The following SLC22A23 variants were observed in gnomAD, a reference collection of about 807,000 sequenced individuals.
The protein encoded by SLC22A23 is ion transporter protein.
A neutral mutation model predicts 61.0 loss-of-function variants in SLC22A23; 26 were observed. The observed-to-expected ratio is 0.43, with a 90% CI of 0.31 to 0.59. SLC22A23 has a LOEUF of 0.59. Ranked by LOEUF, SLC22A23 falls within the 20% of genes least tolerant of loss-of-function variation. The pLI is 0.11. For missense variants in SLC22A23, 796 were observed against 934.7 expected (o/e 0.85, Z 1.94); for synonymous variants, 430 against 413.9 (o/e 1.04, Z -0.47).
intron 4 of SLC22A23, among the ~76,000 whole-genome samples, chr6:3,300,696 T>C (rs1761536986): frequency 6.6e-6 from 1 of 152,234 alleles, no homozygotes; most frequent in South Asian, 2.1e-4. Flanking sequence ...CAAAGTCACA[T>C]CACTATCGAT....
intron 3 of SLC22A23, among the ~76,000 whole-genome samples, chr6:3,408,609 C>T (rs1242227868): frequency 1.3e-5 from 2 of 152,228 alleles, no homozygotes; most frequent in Admixed American, 6.5e-5. Flanking sequence ...GAAGTCTTCT[C>T]CCCATTCTCT....
At chr6:3,415,730 C>T (rs1484788857) in intron 2 of SLC22A23, 22 bp downstream of exon 2, 21 of 1,502,992 alleles carry the variant, frequency 1.4e-5, no homozygotes, top group Admixed American at 2.0e-5. Flanking sequence ...AAGGTTCGTG[C>T]GGCGGGCATG....
chr6:3,385,899 T>A (rs1171823596), intron 3 of SLC22A23, among the ~76,000 whole-genome samples: 2 of 152,202 alleles, frequency 1.3e-5, no homozygotes, highest in Middle Eastern at 3.2e-3. Flanking sequence ...CAAAGGGAAA[T>A]GTGGTCATCT....
rs1254981101 is a variant in SLC22A23, at chr6:3,283,843, A to G, written c.1703+9T>C. On this transcript the variant is annotated intron_variant, in intron 9 of 9. Transcript: ENST00000406686. The stretch of plus-strand genomic sequence containing the variant: ...GCCGGCGTCCCCTGGGGTGTCTCCC[A>G]TGACGCACCTTATCACCGTCGGGGT... 1.2e-6 allele frequency: 2 copies of G among 1,613,550 alleles called. No homozygotes were observed. Among genetic ancestry groups the G allele is most frequent in the East Asian group, 2.2e-5 (1 of 44,836 alleles).
At position 3,273,343 on chromosome 6, in the gene SLC22A23, C is replaced by T. The variant is rs201208559; in HGVS notation, c.1773G>A (p.Leu591=). 62 of 1,613,970 alleles carry T rather than the reference C, an allele frequency of 3.8e-5. No homozygotes were observed. Among genetic ancestry groups the T allele is most frequent in the Admixed American group, 1.2e-4 (7 of 60,036 alleles). Residue 591 remains leucine, a synonymous_variant, in exon 10 of 10, where the codon CTG becomes CTA. Coordinates refer to ENST00000406686, the MANE Select transcript of SLC22A23 (RefSeq NM_015482.2). ...GCAGGAAGTAGCCTTTCTGGTTGTG[C>T]AGCTCGATGATGGGTGCCGTCAGCA... ...FGMLTAPIIE[L]HNQKGYFLHH...
rs1386295817 is a variant in SLC22A23 at position 3,379,849 on chromosome 6, C to T, written c.913+30339G>A. ...TCCCAGCAGGGGCTTCAAAGGGTTC[C>T]TGTGGTTTCATTTATTAGGGATGAT... On this transcript the variant is annotated intron_variant, in intron 3 of 9. Transcript: ENST00000406686. Among the ~76,000 whole-genome samples the T allele has an allele frequency of 5.9e-5, 9 of 152,194 alleles. 1 individual carries two copies.
chr6:3,353,947 T>C (rs1764922715), intron 3 of SLC22A23, among the ~76,000 whole-genome samples: 1 of 152,224 alleles, frequency 6.6e-6, no homozygotes. Context: ...AGGTCTCCTA[T>C]GCGTGGGCTG....
chr6:3,363,547 G>A (rs950789092), intron 3 of SLC22A23, among the ~76,000 whole-genome samples: 2 of 152,372 alleles, frequency 1.3e-5, no homozygotes, highest in East Asian at 3.9e-4. Context: ...GTGACAGGCT[G>A]CTGCCTGCGG....
chr6:3,289,227 A>C lies in SLC22A23; in HGVS notation c.1313+537T>G, dbSNP rs554389275. 2.6e-5 allele frequency among the ~76,000 whole-genome samples: 4 copies of C among 152,346 alleles called. No homozygotes were observed. In the South Asian group the frequency reaches 6.2e-4, roughly 24 times the overall value. ...AAGAACCTGCGTGAGTGATGCCCCC[A>C]GCCCCTGCAGGACCCAGCAGGCGGG... is the stretch of plus-strand genomic sequence containing the variant. On this transcript the variant is annotated intron_variant, in intron 6 of 9. Transcript: ENST00000406686.
intron 3 of SLC22A23, among the ~76,000 whole-genome samples, chr6:3,376,323 A>G (rs553078767): frequency 6.6e-6 from 1 of 152,188 alleles, no homozygotes; most frequent in South Asian, 2.1e-4. Context: ...ACTCTATATC[A>G]CGGAGCAAAG....
chr6:3,275,927 GC>G (rs1420050395), intron 9 of SLC22A23, among the ~76,000 whole-genome samples: 1 of 152,252 alleles, frequency 6.6e-6, no homozygotes, highest in East Asian at 1.9e-4. Context: ...AGATGGGCAG[GC>G]CAGACACAGT....
At chr6:3,291,747 A>G (rs1378944080) in intron 5 of SLC22A23, 1 of 152,240 alleles carries the variant, frequency 6.6e-6, no homozygotes. Flanking sequence ...TATCTTTGCT[A>G]TTATAGAACT....
At chr6:3,293,244 G>A (rs1760772451) in intron 5 of SLC22A23, among the ~76,000 whole-genome samples, 1 of 152,178 alleles carries the variant, frequency 6.6e-6, no homozygotes, top group Admixed American at 6.5e-5. Context: ...GGAGGACAAG[G>A]AGCAGGAGGA....
chr6:3,351,038 C>T (rs985525037), intron 3 of SLC22A23, among the ~76,000 whole-genome samples: 32 of 152,056 alleles, frequency 2.1e-4, no homozygotes, highest in Middle Eastern at 3.2e-3. Context: ...CCTGCATTTC[C>T]TCCAGGAGAA....
intron 3 of SLC22A23, among the ~76,000 whole-genome samples, chr6:3,362,151 C>G (rs910101079): frequency 6.6e-6 from 1 of 151,728 alleles, no homozygotes; most frequent in Admixed American, 6.6e-5. Context: ...CGCCTGTAAT[C>G]CTAGGACTTT....
At chr6:3,448,687 G>A (rs1422145853) in intron 1 of SLC22A23, among the ~76,000 whole-genome samples, 2 of 152,094 alleles carry the variant, frequency 1.3e-5, no homozygotes, top group Non-Finnish European at 2.9e-5. Context: ...GTAGAGACGG[G>A]GTTTCACCAC....
intron 3 of SLC22A23, among the ~76,000 whole-genome samples, chr6:3,405,294 C>G (rs569555350): frequency 6.6e-6 from 1 of 152,154 alleles, no homozygotes; most frequent in African/African-American, 2.4e-5. Flanking sequence ...TGTCAAAGGC[C>G]TTCGGTAAAC....
Position 3,390,520 on chromosome 6 carries a change from T to C in SLC22A23, c.913+19668A>G, listed in dbSNP as rs1767596829. 6.6e-6 allele frequency among the ~76,000 whole-genome samples: 1 copy of C among 152,126 alleles called. No homozygotes were observed. Among genetic ancestry groups the C allele is most frequent in the Admixed American group, 6.5e-5 (1 of 15,284 alleles). ...CTCTCATGAGAAGAAAGCCACACAGTTGGAGTGAACTCTAGTGCTCCCCGG... is the reference window on the plus strand; with the variant it reads ...CTCTCATGAGAAGAAAGCCACACAGCTGGAGTGAACTCTAGTGCTCCCCGG... On this transcript the variant is annotated intron_variant, in intron 3 of 9. Coordinates refer to ENST00000406686, the MANE Select transcript of SLC22A23 (RefSeq NM_015482.2). The surrounding 1 kb of genome is among the most constrained non-coding windows in gnomAD (Gnocchi z 4.0).
intron 1 of SLC22A23, among the ~76,000 whole-genome samples, chr6:3,442,621 C>T (rs112516107): frequency 7.7e-4 from 117 of 152,274 alleles, no homozygotes; most frequent in African/African-American, 2.6e-3. Flanking sequence ...GGAGGAAACA[C>T]TCCATAGTGC....
Sources: gnomAD v4.1 joint callset for allele counts (sites outside exome capture counted in the v4.1 genomes callset) on GRCh38, gnomAD v4.1.1 for gene constraint, Gnocchi (gnomAD v3.1) non-coding constraint, MANE v1.5 for transcripts, NCBI Gene and HGNC (gene_info 2026-07-23, HGNC 2026-07-21) for gene names.